Variants in APBB2 observed in about 807,000 individuals in gnomAD.
The protein encoded by APBB2 is amyloid beta precursor protein binding family B member 2.
In APBB2, 38 loss-of-function variants were observed where a neutral mutation model predicts 82.5. That is an observed-to-expected ratio of 0.46 (90% confidence interval 0.36 to 0.60). The LOEUF is 0.60. Ranked by LOEUF, APBB2 falls within the 20% of genes least tolerant of loss-of-function variation. The pLI is 0.00. For synonymous variants in APBB2, 341 were observed against 368.2 expected, an observed-to-expected ratio of 0.93 and a Z score of 0.85; for missense variants, 772 against 972.3, an observed-to-expected ratio of 0.79 and a Z score of 2.74.
intron 6 of APBB2, among the ~76,000 whole-genome samples, chr4:40,993,071 T>A (rs1456355191): frequency 6.6e-6 from 1 of 152,202 alleles, no homozygotes; most frequent in Admixed American, 6.5e-5. Context: ...CCTTACTACA[T>A]GGCAATCACT....
intron 2 of APBB2, among the ~76,000 whole-genome samples, chr4:41,134,719 G>C (rs1484337030): frequency 6.6e-6 from 1 of 152,088 alleles, no homozygotes; most frequent in African/African-American, 2.4e-5. Flanking sequence ...GTCTGCCCCC[G>C]CCTTGAGCCA....
At chr4:41,160,116 C>T (rs1042824623) in intron 1 of APBB2, among the ~76,000 whole-genome samples, 6 of 152,016 alleles carry the variant, frequency 3.9e-5, no homozygotes, top group Admixed American at 3.9e-4. Flanking sequence ...AACAAGGCCA[C>T]GGAGGTGATT....
intron 6 of APBB2, among the ~76,000 whole-genome samples, chr4:40,973,852 C>CTT (rs145072355): frequency 4.3e-5 from 6 of 140,086 alleles, no homozygotes; most frequent in Non-Finnish European, 4.6e-5. Flanking sequence ...TCCAAATTTC[C>CTT]TTTTTTTTTT....
intron 12 of APBB2, among the ~76,000 whole-genome samples, chr4:40,845,588 C>CAAAAAA (rs71198606): frequency 1.6e-4 from 9 of 56,478 alleles, no homozygotes; most frequent in African/African-American, 6.8e-4. Flanking sequence ...GGAAATTCCT[C>CAAAAAA]AAAAAAAAAA....
At position 40,924,765 on chromosome 4, in the gene APBB2, C is replaced by A. The variant is rs962314280; in HGVS notation, c.1254+9691G>T. Among the ~76,000 whole-genome samples, 3 of 152,340 alleles carry A rather than the reference C, an allele frequency of 2.0e-5. No homozygotes were observed. In the East Asian group the frequency reaches 5.8e-4, roughly 29 times the overall value. Reference sequence around the variant, plus strand: ...CCCCAGACTCTGGAACCCACTAAATCCTGAGCAAAATAAATAATTGTTTTA... The same window carrying A: ...CCCCAGACTCTGGAACCCACTAAATACTGAGCAAAATAAATAATTGTTTTA... On this transcript the variant is annotated intron_variant, in intron 10 of 17. Coordinates refer to ENST00000508593, the MANE Select transcript of APBB2 (RefSeq NM_004307.2).
intron 3 of APBB2, among the ~76,000 whole-genome samples, chr4:41,089,733 A>G (rs1468684601): frequency 1.3e-5 from 2 of 152,210 alleles, no homozygotes; most frequent in African/African-American, 2.4e-5. Context: ...AGATTACATA[A>G]TATCAGTCCC....
At chr4:41,033,331 T>C in intron 4 of APBB2, 27 bp from the exon 5 acceptor site, 1 of 1,393,644 alleles carries the variant, frequency 7.2e-7, no homozygotes, top group Admixed American at 2.2e-5. Flanking sequence ...ATTTGAGAAA[T>C]TAAAACTCCA....
At chr4:41,142,928 A>G (rs935127109) in intron 2 of APBB2, 59 bp downstream of exon 2, 3 of 152,234 alleles carry the variant, frequency 2.0e-5, no homozygotes, top group Non-Finnish European at 4.4e-5. Flanking sequence ...GAAGGAACAA[A>G]ACAACTTTTC....
intron 4 of APBB2, among the ~76,000 whole-genome samples, chr4:41,043,422 C>T (rs1722265211): frequency 6.6e-6 from 1 of 152,078 alleles, no homozygotes; most frequent in Non-Finnish European, 1.5e-5. Context: ...ATAGGTATTG[C>T]CTACACAATG....
At chr4:40,982,367 G>GA (rs1799089093) in intron 6 of APBB2, among the ~76,000 whole-genome samples, 2 of 15,572 alleles carry the variant, frequency 1.3e-4, no homozygotes, top group Admixed American at 9.2e-4. Context: ...AGGAAGGAAG[G>GA]AAGGAAGGAA....
intron 4 of APBB2, among the ~76,000 whole-genome samples, chr4:41,063,894 G>C (rs1730704521): frequency 6.8e-6 from 1 of 147,976 alleles, no homozygotes; most frequent in Non-Finnish European, 1.5e-5. Flanking sequence ...GCCCAAGCTG[G>C]TCTTAAACTC....
chr4:40,834,699 T>C (rs571986025), intron 12 of APBB2, among the ~76,000 whole-genome samples: 1 of 152,272 alleles, frequency 6.6e-6, no homozygotes, highest in African/African-American at 2.4e-5. Flanking sequence ...GGAGGCACTT[T>C]CTTCCTAAGG....
At chr4:40,886,420 C>A (rs1770296851) in intron 12 of APBB2, among the ~76,000 whole-genome samples, 1 of 151,828 alleles carries the variant, frequency 6.6e-6, no homozygotes, top group South Asian at 2.1e-4. Flanking sequence ...GCAAAGGTTG[C>A]AGTGAATTGA....
intron 1 of APBB2, among the ~76,000 whole-genome samples, chr4:41,169,868 TAAG>T (rs1767778395): frequency 6.7e-6 from 1 of 149,880 alleles, no homozygotes; most frequent in Non-Finnish European, 1.5e-5. Context: ...TTTTTTTTTT[TAAG>T]AAGATAAGAT....
At chr4:41,030,614 A>C (rs1716377843) in intron 5 of APBB2, among the ~76,000 whole-genome samples, 1 of 152,136 alleles carries the variant, frequency 6.6e-6, no homozygotes, top group South Asian at 2.1e-4. Context: ...ATAAAGCCTC[A>C]GTGACTTTCA....
chr4:40,938,224 G>T (rs928685576), intron 7 of APBB2, among the ~76,000 whole-genome samples: 1 of 152,204 alleles, frequency 6.6e-6, no homozygotes, highest in African/African-American at 2.4e-5. Flanking sequence ...CCCTCCTGGT[G>T]CTTGTCCTGA....
intron 1 of APBB2, among the ~76,000 whole-genome samples, chr4:41,191,877 T>A (rs1774536498): frequency 6.6e-6 from 1 of 152,116 alleles, no homozygotes; most frequent in African/African-American, 2.4e-5. Flanking sequence ...GCAAACCATA[T>A]ACCTAATATG....
Position 40,832,156 on chromosome 4 carries a change from A to T in APBB2, c.1530-1579T>A, listed in dbSNP as rs1752248855. 6.6e-6 allele frequency among the ~76,000 whole-genome samples: 1 copy of T among 152,112 alleles called. No homozygotes were observed. Among genetic ancestry groups the T allele is most frequent in the African/African-American group, 2.4e-5 (1 of 41,410 alleles). On this transcript the variant is annotated intron_variant, in intron 12 of 17. Coordinates refer to ENST00000508593, the MANE Select transcript of APBB2 (RefSeq NM_004307.2). The surrounding 1 kb of genome is among the most constrained non-coding windows in gnomAD (Gnocchi z 4.8). ...GAGATATAACTACAGAGGAATTTTT[A>T]AATTATTTCTCTTAAGGTAAGACCT...
intron 4 of APBB2, among the ~76,000 whole-genome samples, chr4:41,052,883 C>G (rs1348393528): frequency 6.6e-6 from 1 of 151,836 alleles, no homozygotes; most frequent in Admixed American, 6.6e-5. Context: ...TCTGCCTCAG[C>G]CTCCTGAGTA....
Sources: gnomAD v4.1 joint callset for allele counts (sites outside exome capture counted in the v4.1 genomes callset) on GRCh38, gnomAD v4.1.1 for gene constraint, Gnocchi (gnomAD v3.1) non-coding constraint, MANE v1.5 for transcripts, NCBI Gene and HGNC (gene_info 2026-07-23, HGNC 2026-07-21) for gene names.